The following ANK2 variants were observed in gnomAD, a reference collection of about 807,000 sequenced individuals.
ANK2 encodes the protein ankyrin-2.
In ANK2, 83 loss-of-function variants were observed where a neutral mutation model predicts 360.5. That is an observed-to-expected ratio of 0.23 (90% CI 0.19 to 0.28). The LOEUF (loss-of-function observed/expected upper bound fraction) is 0.28, where lower values mean the gene tolerates loss of function less well. Among genes scored for constraint, ANK2 ranks in the 10% least tolerant of loss-of-function variants. The pLI is 1.00. For missense variants in ANK2, 4,201 were observed against 4,795.7 expected, an observed-to-expected ratio of 0.88 and a Z score of 3.66; for synonymous variants, 1,740 against 1,759.5, an observed-to-expected ratio of 0.99 and a Z score of 0.28.
rs1044359395 is a variant in ANK2, at chr4:113,168,334, A to C, written c.85-6082A>C. On this transcript the variant is annotated intron_variant, in intron 1 of 45. Transcript: ENST00000357077. Reference sequence around the variant, plus strand: ...TTTTGTGTGAATAGTTATCTTAAATAACATTCAAAAGTAAAAATATAAACA... The same window carrying C: ...TTTTGTGTGAATAGTTATCTTAAATCACATTCAAAAGTAAAAATATAAACA... 7.2e-5 allele frequency among the ~76,000 whole-genome samples: 11 copies of C among 152,262 alleles called. No individual in the cohort carries two copies. The South Asian group carries it at 2.1e-3, about 29-fold the overall frequency.
intron 36 of ANK2, 147 bp downstream of exon 36, chr4:113,348,455 C>T (rs1451652349): frequency 1.2e-6 from 1 of 803,256 alleles, no homozygotes; most frequent in Non-Finnish European, 2.1e-6. Flanking sequence ...CTCTCTAAGC[C>T]TCTGTTTTCT....
the ANK2 span, among the ~76,000 whole-genome samples, chr4:112,805,978 C>T: frequency 2.0e-5 from 3 of 152,074 alleles, no homozygotes; most frequent in African/African-American, 4.8e-5. Context: ...TATTTTGATA[C>T]AGGCATACAA....
At chr4:112,810,139 ATATATATATATATATATATATTTTTTTT>A in the ANK2 span, among the ~76,000 whole-genome samples, 6 of 34,660 alleles carry the variant, frequency 1.7e-4, no homozygotes, top group East Asian at 1.1e-3. Flanking sequence ...ATATATATAT[ATATATATATATATATATATATTTTTTTT>A]TTTTTTTTTT....
At position 112,989,268 on chromosome 4, in the gene ANK2, C is replaced by A. The variant is rs1264216502; in HGVS notation, c.21+84754C>A. On this transcript the variant is annotated intron_variant, in intron 2 of 30. Coordinates refer to the ANK2 transcript ENST00000503271. ...ATAGCTGAAACTCATATAATTACTT[C>A]AATAGGACAATTTAATAATATAGCA... is the stretch of plus-strand genomic sequence containing the variant. Among the ~76,000 whole-genome samples, 4 of 152,152 alleles carry A rather than the reference C, an allele frequency of 2.6e-5. No homozygotes were observed. The East Asian group carries it at 7.7e-4, about 29-fold the overall frequency.
intron 31 of ANK2, among the ~76,000 whole-genome samples, chr4:113,338,145 T>C (rs1243522466): frequency 6.6e-6 from 1 of 152,234 alleles, no homozygotes; most frequent in Non-Finnish European, 1.5e-5. Context: ...GCTGAGTATG[T>C]ATTTTAAAGG....
rs77468290 is a variant in ANK2, at chr4:113,072,953, CT to C, written c.84+23167del. On this transcript the variant is annotated intron_variant, in intron 1 of 45. Transcript: ENST00000357077. ...CTCGACTCTGTCACAAGGACAGTGT[CT>C]TTTTTTTTTTTTTTTTTTTTTTTTT... Among the ~76,000 whole-genome samples, 324 of 59,374 alleles carry C rather than the reference CT, an allele frequency of 5.5e-3. 1 individual carries two copies. Among genetic ancestry groups the C allele is most frequent in the African/African-American group, 0.02 (261 of 13,070 alleles). 39.0% of individuals were successfully genotyped at this position (59,374 alleles called of 152,430 possible).
chr4:112,772,291 C>T, the ANK2 span, among the ~76,000 whole-genome samples: 1 of 152,070 alleles, frequency 6.6e-6, no homozygotes, highest in Non-Finnish European at 1.5e-5. Context: ...AATAAGTTTC[C>T]CTTTATAAAA....
chr4:112,980,148 G>T (rs2042698648), intron 2 of ANK2: 1 of 152,380 alleles, frequency 6.6e-6, no homozygotes, highest in Admixed American at 6.5e-5. Flanking sequence ...AGTCCAAAGG[G>T]GGCTGAGGCA....
chr4:113,051,499 A>T (rs1431128458), intron 1 of ANK2, among the ~76,000 whole-genome samples: 2 of 152,220 alleles, frequency 1.3e-5, no homozygotes, highest in African/African-American at 4.8e-5. Flanking sequence ...TTTAGGAGTA[A>T]GTCTTTTTCC....
intron 1 of ANK2, among the ~76,000 whole-genome samples, chr4:112,879,261 G>A (rs909506703): frequency 4.6e-5 from 7 of 152,182 alleles, no homozygotes; most frequent in Non-Finnish European, 1.0e-4. Context: ...AAATAATGAA[G>A]TTTGACTTCT....
intron 24 of ANK2, among the ~76,000 whole-genome samples, chr4:113,312,763 A>C (rs1162549584): frequency 6.6e-6 from 1 of 152,138 alleles, no homozygotes; most frequent in Admixed American, 6.5e-5. Flanking sequence ...GTGTTGCTGG[A>C]GTGTAAGTGT....
chr4:113,360,865 A>G lies in ANK2; in HGVS notation c.10724A>G (p.Tyr3575Cys). ...GAACGGATCGAGGAAAGGCTGGCTT[A>G]TATTGCTGATCACCTTGGCTTCAGC... ...EQERIEERLA[Y>C]IADHLGFSWT... The change falls in exon 39 of 46, where the codon TAT (tyrosine) becomes TGT (cysteine). Residue 3575 changes from tyrosine to cysteine, a missense_variant. By Grantham distance (194) the Tyr-to-Cys change is radical. This residue lies in a region of ANK2 where 2,642 missense variants were observed against 2,714.5 expected (regional missense o/e 0.97). Coordinates refer to ENST00000357077, the MANE Select transcript of ANK2 (RefSeq NM_001148.6). The G allele has an allele frequency of 1.2e-6, 2 of 1,612,870 alleles. No individual in the cohort carries two copies. Among genetic ancestry groups the G allele is most frequent in the Non-Finnish European group, 1.7e-6 (2 of 1,179,332 alleles).
Position 113,353,860 on chromosome 4 carries a change from C to T in ANK2, c.5242C>T (p.Leu1748Phe). The T allele has an allele frequency of 2.5e-6, 4 of 1,614,006 alleles. No individual in the cohort carries two copies. The highest frequency in any genetic ancestry group is 3.3e-5 in the Admixed American group (2 of 59,998). The change falls in exon 38 of 46, where the codon CTT becomes TTT. Residue 1748 changes from leucine (L) to phenylalanine (F), a missense_variant. Leu to Phe is a conservative substitution (Grantham distance 22). Transcript: ENST00000357077. ...GEDPGLAPEPLPTVKATSPLI... is the reference protein window; with the variant it reads ...GEDPGLAPEPFPTVKATSPLI... ...AGACCCAGGTTTAGCCCCTGAACCCCTTCCCACTGTCAAGGCCACATCTCC... is the reference window on the plus strand; with the variant it reads ...AGACCCAGGTTTAGCCCCTGAACCCTTTCCCACTGTCAAGGCCACATCTCC...
At chr4:112,710,769 G>C in the ANK2 span, among the ~76,000 whole-genome samples, 1 of 151,658 alleles carries the variant, frequency 6.6e-6, no homozygotes, top group East Asian at 1.9e-4. Flanking sequence ...CCAGCATCAT[G>C]GTTGCTGAGA....
chr4:112,831,702 G>A (rs1049854126), intron 1 of ANK2, among the ~76,000 whole-genome samples: 4 of 152,204 alleles, frequency 2.6e-5, no homozygotes, highest in African/African-American at 4.8e-5. Context: ...TTGTTTTTTC[G>A]CTCTTCACAA....
At chr4:113,263,509 C>G (rs900315074) in intron 13 of ANK2, among the ~76,000 whole-genome samples, 2 of 152,108 alleles carry the variant, frequency 1.3e-5, no homozygotes, top group Non-Finnish European at 2.9e-5. Context: ...AATCATTTGA[C>G]ATGAATTTCT....
chr4:113,065,299 A>G (rs2075162718), intron 1 of ANK2, among the ~76,000 whole-genome samples: 1 of 152,238 alleles, frequency 6.6e-6, no homozygotes, highest in Non-Finnish European at 1.5e-5. Flanking sequence ...CTACAGGAAC[A>G]TATAGATATC....
At chr4:113,158,988 T>G (rs1252975240) in intron 1 of ANK2, among the ~76,000 whole-genome samples, 2 of 152,138 alleles carry the variant, frequency 1.3e-5, no homozygotes, top group African/African-American at 2.4e-5. Context: ...GTTGTCAGCT[T>G]TACATAAAAA....
chr4:112,711,518 C>T, the ANK2 span, among the ~76,000 whole-genome samples: 1 of 151,052 alleles, frequency 6.6e-6, no homozygotes, highest in African/African-American at 2.4e-5. Context: ...GAGACCCTGT[C>T]CAAGAAAAAC....
Sources: allele counts gnomAD v4.1 joint callset (sites outside exome capture counted in the v4.1 genomes callset), GRCh38; gene constraint gnomAD v4.1.1; regional missense constraint gnomAD v4.1.1; transcripts MANE v1.5; gene names NCBI Gene and HGNC (gene_info 2026-07-23, HGNC 2026-07-21).